The following RNF13 variants were observed in gnomAD, a reference collection of about 807,000 sequenced individuals.
RNF13 encodes the protein E3 ubiquitin-protein ligase RNF13.
Under a neutral mutation model 37.7 loss-of-function variants are expected in RNF13, and 19 were observed. The ratio of observed to expected loss-of-function variants is 0.50; its 90% CI spans 0.35 to 0.74. The LOEUF (loss-of-function observed/expected upper bound fraction) is 0.74. RNF13 is among the 30% of genes least tolerant of loss of function. The probability of loss-of-function intolerance (pLI) is 0.01; values close to 1 mark genes in which losing one functional copy is unlikely to be tolerated. For synonymous variants in RNF13, 144 were observed against 157.8 expected, an observed-to-expected ratio of 0.91 and a Z score of 0.65; for missense variants, 375 against 453.0, an observed-to-expected ratio of 0.83 and a Z score of 1.56.
chr3:149,869,563 G>A (rs1371027813), intron 3 of RNF13, among the ~76,000 whole-genome samples: 3 of 151,298 alleles, frequency 2.0e-5, no homozygotes, highest in Non-Finnish European at 4.4e-5. Context: ...CCGAGATCCC[G>A]CCACTGCACT....
chr3:149,935,001 T>C (rs756186959), intron 8 of RNF13, among the ~76,000 whole-genome samples: 5 of 152,332 alleles, frequency 3.3e-5, no homozygotes, highest in Non-Finnish European at 5.9e-5. Flanking sequence ...TTTGACTTTT[T>C]TGAGTTTGCT....
chr3:149,827,522 A>G (rs1720625353), intron 1 of RNF13, among the ~76,000 whole-genome samples: 2 of 152,128 alleles, frequency 1.3e-5, no homozygotes, highest in South Asian at 4.1e-4. Flanking sequence ...TATAAATATT[A>G]ATATTAAACA....
chr3:149,946,424 T>C (rs1159010591), intron 8 of RNF13, among the ~76,000 whole-genome samples: 1 of 152,250 alleles, frequency 6.6e-6, no homozygotes, highest in Non-Finnish European at 1.5e-5. Context: ...CAGTGAGGAC[T>C]TCTCCAGTGA....
At chr3:149,943,664 T>A (rs966249436) in intron 8 of RNF13, among the ~76,000 whole-genome samples, 1 of 152,210 alleles carries the variant, frequency 6.6e-6, no homozygotes, top group African/African-American at 2.4e-5. Context: ...AGCAATCCTC[T>A]GTGTTCTGCC....
chr3:149,854,843 T>G (rs992132136), intron 3 of RNF13, among the ~76,000 whole-genome samples: 9 of 152,222 alleles, frequency 5.9e-5, no homozygotes, highest in African/African-American at 2.2e-4. Flanking sequence ...GATAGACTTT[T>G]GGCCACATAG....
At chr3:149,844,529 G>A (rs1008040563) in intron 1 of RNF13, among the ~76,000 whole-genome samples, 4 of 152,138 alleles carry the variant, frequency 2.6e-5, no homozygotes, top group South Asian at 2.1e-4. Flanking sequence ...CAGGTATTCA[G>A]CACAAACCAC....
At chr3:149,959,515 C>CT (rs1268793487) in intron 8 of RNF13, among the ~76,000 whole-genome samples, 1 of 152,184 alleles carries the variant, frequency 6.6e-6, no homozygotes, top group Non-Finnish European at 1.5e-5. Context: ...TCATTTCATC[C>CT]TTATAACCTG....
intron 6 of RNF13, among the ~76,000 whole-genome samples, chr3:149,905,203 A>G (rs1716268724): frequency 6.6e-6 from 1 of 152,204 alleles, no homozygotes; most frequent in Non-Finnish European, 1.5e-5. Flanking sequence ...GGTCATGCCA[A>G]CAGTTTATGA....
intron 8 of RNF13, among the ~76,000 whole-genome samples, chr3:149,931,626 A>G (rs965585393): frequency 1.3e-5 from 2 of 152,218 alleles, no homozygotes; most frequent in Non-Finnish European, 2.9e-5. Context: ...CATGCATACA[A>G]TATGTAAGGA....
At chr3:149,922,898 T>G (rs945383209) in intron 8 of RNF13, among the ~76,000 whole-genome samples, 2 of 152,182 alleles carry the variant, frequency 1.3e-5, no homozygotes, top group African/African-American at 4.8e-5. Context: ...ACCTACTTGA[T>G]AAATCCTTTT....
chr3:149,831,410 A>G (rs777068530), intron 1 of RNF13, among the ~76,000 whole-genome samples: 2 of 152,222 alleles, frequency 1.3e-5, no homozygotes, highest in African/African-American at 2.4e-5. Context: ...GATATGAGAC[A>G]TGGAGTCAAA....
chr3:149,941,029 C>T (rs994587717), intron 8 of RNF13, among the ~76,000 whole-genome samples: 7 of 152,080 alleles, frequency 4.6e-5, no homozygotes, highest in African/African-American at 1.7e-4. Context: ...ACAGAATATT[C>T]TTTTATTTTT....
chr3:149,953,879 A>G (rs2108608182), intron 8 of RNF13, among the ~76,000 whole-genome samples: 1 of 152,366 alleles, frequency 6.6e-6, no homozygotes, highest in East Asian at 1.9e-4. Flanking sequence ...TGGCACATAG[A>G]ACTCAACAAG....
At chr3:149,920,787 A>C (rs1255016173) in intron 7 of RNF13, among the ~76,000 whole-genome samples, 2 of 90,416 alleles carry the variant, frequency 2.2e-5, no homozygotes, top group African/African-American at 7.5e-5. Flanking sequence ...CAACCTTCCC[A>C]TTCTTTTTTT....
intron 8 of RNF13, among the ~76,000 whole-genome samples, chr3:149,945,733 A>C (rs1720708778): frequency 6.6e-6 from 1 of 152,188 alleles, no homozygotes; most frequent in Non-Finnish European, 1.5e-5. Context: ...TGGAGGAACA[A>C]TCTGGCAGCA....
At chr3:149,860,260 A>AAG in intron 3 of RNF13, among the ~76,000 whole-genome samples, 2 of 84,238 alleles carry the variant, frequency 2.4e-5, no homozygotes, top group Non-Finnish European at 4.8e-5. Context: ...TCCATCTAAA[A>AAG]AAAAAAAAAA....
At chr3:149,895,622 A>G (rs2108491548) in intron 5 of RNF13, 62 bp downstream of exon 5, 1 of 1,153,280 alleles carries the variant, frequency 8.7e-7, no homozygotes, top group Non-Finnish European at 1.3e-6. Context: ...CTAAAAATTA[A>G]CAGGATTTTC....
intron 5 of RNF13, among the ~76,000 whole-genome samples, chr3:149,896,650 T>C (rs1219493603): frequency 6.6e-6 from 1 of 151,994 alleles, no homozygotes; most frequent in East Asian, 1.9e-4. Flanking sequence ...TGGCTAATTT[T>C]GTATTTTAAG....
chr3:149,834,216 A>G (rs1038629929), intron 1 of RNF13, among the ~76,000 whole-genome samples: 4 of 152,230 alleles, frequency 2.6e-5, no homozygotes, highest in Non-Finnish European at 4.4e-5. Flanking sequence ...ATGTAATATT[A>G]TCAAAATCGC....
Sources: allele counts gnomAD v4.1 joint callset (sites outside exome capture counted in the v4.1 genomes callset), GRCh38; gene constraint gnomAD v4.1.1; transcripts MANE v1.5; gene names NCBI Gene and HGNC (gene_info 2026-07-23, HGNC 2026-07-21).